DAAM2: variants seen among roughly 807,000 people sequenced by gnomAD.
DAAM2 encodes dishevelled associated activator of morphogenesis 2.
Under a neutral mutation model 120.7 loss-of-function variants are expected in DAAM2, and 39 were observed. The observed-to-expected ratio is 0.32, with a 90% confidence interval of 0.25 to 0.42. The LOEUF is 0.42. Ranked by LOEUF, DAAM2 falls within the 10% of genes least tolerant of loss-of-function variation. The pLI, the probability that DAAM2 is intolerant of heterozygous loss-of-function variation, is 1.00. For missense variants in DAAM2, 1,283 were observed against 1,401.7 expected (o/e 0.92, Z 1.35); for synonymous variants, 488 against 524.9 (o/e 0.93, Z 0.96).
chr6:39,860,401 G>T (rs1160579288), intron 2 of DAAM2, among the ~76,000 whole-genome samples: 1 of 152,202 alleles, frequency 6.6e-6, no homozygotes, highest in Non-Finnish European at 1.5e-5. Context: ...CTGTGCTAGG[G>T]CCTATGCTGA....
intron 1 of DAAM2, among the ~76,000 whole-genome samples, chr6:39,828,967 A>G (rs1024433295): frequency 1.3e-5 from 2 of 152,260 alleles, no homozygotes; most frequent in African/African-American, 4.8e-5. Flanking sequence ...TGCAAACCAT[A>G]GCACAGTTCC....
In DAAM2 at chr6:39,861,339, T is replaced by C. The variant is rs114002257; in HGVS notation, c.258+322T>C. The C allele has an allele frequency of 3.4e-3, 1,360 of 405,560 alleles. 12 individuals carry two copies. Among genetic ancestry groups the C allele is most frequent in the African/African-American group, 0.026 (1,253 of 48,894 alleles). 25.1% of individuals were successfully genotyped at this position (405,560 alleles called of 1,614,324 possible). On this transcript the variant is annotated intron_variant, in intron 3 of 24. Transcript: ENST00000274867. ...TCCCAGGCATGGAGGGTGGGCATCA[T>C]GGACCATACCTGGAGCAGCTTTGCT...
chr6:39,899,953 T>A (rs56742857), intron 22 of DAAM2, 124 bp from the exon 23 acceptor site: 1 of 1,091,312 alleles, frequency 9.2e-7, no homozygotes, highest in East Asian at 2.7e-5. Context: ...AACTTTGAGA[T>A]GCAGGGTGTT....
chr6:39,862,864 A>G (rs1007830042), intron 3 of DAAM2: 1 of 147,030 alleles, frequency 6.8e-6, no homozygotes, highest in Admixed American at 6.9e-5. Context: ...GGCATCTCTC[A>G]CTGCCTTCCA....
intron 10 of DAAM2, among the ~76,000 whole-genome samples, chr6:39,874,931 T>A (rs1044368447): frequency 1.3e-5 from 2 of 152,022 alleles, no homozygotes; most frequent in Non-Finnish European, 2.9e-5. Flanking sequence ...AAATCTTTTT[T>A]AAAAAAAACT....
chr6:39,877,341 G>A (rs989294133), intron 11 of DAAM2, among the ~76,000 whole-genome samples: 1 of 152,158 alleles, frequency 6.6e-6, no homozygotes, highest in East Asian at 1.9e-4. Context: ...TCCAAGTAGG[G>A]CCCCAGTCTA....
At chr6:39,895,227 C>CTTATTTAT (rs59537611) in intron 19 of DAAM2, among the ~76,000 whole-genome samples, 6,429 of 137,664 alleles carry the variant, frequency 0.047, 272 homozygotes, top group East Asian at 0.25. Flanking sequence ...ACTTTATTTA[C>CTTATTTAT]TTATTTATTT....
At chr6:39,802,382 G>A (rs1028335886) in intron 1 of DAAM2, among the ~76,000 whole-genome samples, 2 of 152,148 alleles carry the variant, frequency 1.3e-5, no homozygotes, top group Non-Finnish European at 2.9e-5. Context: ...ATCTCTCTGT[G>A]CCTTAGTTTC....
chr6:39,862,095 C>A (rs1371106854), intron 3 of DAAM2: 1 of 152,212 alleles, frequency 6.6e-6, no homozygotes, highest in Non-Finnish European at 1.5e-5. Flanking sequence ...CAGTCTCATT[C>A]TTTATTCTAC....
rs1189216134 is a variant in DAAM2, at chr6:39,891,661, A to C, written c.2280A>C (p.Gln760His). 8 of 1,611,716 alleles carry C rather than the reference A, an allele frequency of 5.0e-6. No homozygotes were observed. Among genetic ancestry groups the C allele is most frequent in the Non-Finnish European group, 6.8e-6 (8 of 1,178,924 alleles). The change falls in exon 19 of 25, where the codon CAA becomes CAC. Residue 760 changes from glutamine to histidine, a missense_variant. By Grantham distance (24) the Gln-to-His change is conservative (BLOSUM62 0). Around this residue, in one of 3 missense-constraint regions of DAAM2, gnomAD observed 748 missense variants for 768.6 expected, o/e 0.97. Coordinates refer to ENST00000274867, the MANE Select transcript of DAAM2 (RefSeq NM_001201427.2). ...SRIDHYQQRL[Q>H]ALFFKKKFQE... is the part of the protein sequence containing the mutation. ...TTGACCACTACCAGCAGCGACTGCAAGCCCTCTTCTTCAAGAAGAAATTCC... is the reference window on the plus strand; with the variant it reads ...TTGACCACTACCAGCAGCGACTGCACGCCCTCTTCTTCAAGAAGAAATTCC...
intron 1 of DAAM2, among the ~76,000 whole-genome samples, chr6:39,831,851 G>A (rs576189292): frequency 1.8e-5 from 2 of 108,224 alleles, no homozygotes; most frequent in South Asian, 7.8e-4. Flanking sequence ...GTGCACTGGG[G>A]AGGCAGGTGT....
At chr6:39,811,011 C>T (rs968326784) in intron 1 of DAAM2, among the ~76,000 whole-genome samples, 1 of 152,180 alleles carries the variant, frequency 6.6e-6, no homozygotes, top group African/African-American at 2.4e-5. Flanking sequence ...ATCCTCATTC[C>T]ACCCTGATGA....
intron 2 of DAAM2, 40 bp downstream of exon 2, chr6:39,856,510 G>A (rs772121310): frequency 7.3e-7 from 1 of 1,374,424 alleles, no homozygotes; most frequent in Non-Finnish European, 9.5e-7. Context: ...CAATGGGGAG[G>A]AGGGTGGATG....
intron 2 of DAAM2, among the ~76,000 whole-genome samples, chr6:39,860,130 C>T (rs1229371849): frequency 1.3e-5 from 2 of 152,082 alleles, no homozygotes; most frequent in African/African-American, 2.4e-5. Flanking sequence ...TTTCAGGGGC[C>T]GTCTAGCACA....
At chr6:39,818,565 G>T (rs1240587921) in intron 1 of DAAM2, among the ~76,000 whole-genome samples, 1 of 152,220 alleles carries the variant, frequency 6.6e-6, no homozygotes, top group East Asian at 1.9e-4. Context: ...AAGAACATGG[G>T]TTGTAGCATG....
Position 39,891,294 on chromosome 6 carries a change from T to C in DAAM2, c.2146-47T>C, listed in dbSNP as rs1412790700. ...AGCTTCTCACACCCTGTACCCCATGTCTGCTGCTCACCAGTTGCTTGTGTG... is the reference window on the plus strand; with the variant it reads ...AGCTTCTCACACCCTGTACCCCATGCCTGCTGCTCACCAGTTGCTTGTGTG... On this transcript the variant is annotated intron_variant, in intron 17 of 24. Coordinates refer to ENST00000274867, the MANE Select transcript of DAAM2 (RefSeq NM_001201427.2). 9 of 1,442,502 alleles carry C rather than the reference T, an allele frequency of 6.2e-6. No individual in the cohort carries two copies. The East Asian group carries it at 2.2e-4, about 35-fold the overall frequency. The allele number at this position is 1,442,502 out of a possible 1,614,324, so 89.4% of individuals were successfully genotyped here.
rs773993078 is a variant in DAAM2 at position 39,901,508 on chromosome 6, A to G, written c.2982+36A>G. ...GTGCCAGGCCTGGGACTGAGGGGAG[A>G]CGGGTGCTACTTGGGGAGAACACCC... On this transcript the variant is annotated intron_variant, in intron 24 of 24. Coordinates refer to ENST00000274867, the MANE Select transcript of DAAM2 (RefSeq NM_001201427.2). The surrounding 1 kb of genome is among the most constrained non-coding windows in gnomAD (Gnocchi z 4.5). The G allele has an allele frequency of 6.3e-7, 1 of 1,582,736 alleles. No homozygotes were observed. The highest frequency in any genetic ancestry group is 1.3e-5 in the African/African-American group (1 of 74,478).
intron 1 of DAAM2, among the ~76,000 whole-genome samples, chr6:39,815,875 C>T (rs968526656): frequency 9.9e-5 from 15 of 152,212 alleles, no homozygotes; most frequent in Non-Finnish European, 1.8e-4. Context: ...CAAACAGGTC[C>T]CCCTCTTTAT....
chr6:39,898,485 AAC>A (rs1766260699), intron 21 of DAAM2, among the ~76,000 whole-genome samples: 1 of 152,348 alleles, frequency 6.6e-6, no homozygotes, highest in South Asian at 2.1e-4. Context: ...GAAAACTAGA[AAC>A]ATAGTGGTAA....
Sources: allele counts gnomAD v4.1 joint callset (sites outside exome capture counted in the v4.1 genomes callset), GRCh38; gene constraint gnomAD v4.1.1; regional missense constraint gnomAD v4.1.1; non-coding constraint Gnocchi (gnomAD v3.1); transcripts MANE v1.5; gene names NCBI Gene and HGNC (gene_info 2026-07-23, HGNC 2026-07-21).